MECOM: variants seen among roughly 807,000 people sequenced by gnomAD.
MECOM encodes MDS1 and EVI1 complex locus, also known as histone-lysine N-methyltransferase MECOM.
MECOM carries 13 observed loss-of-function variants against 116.3 expected under a neutral mutation model. The observed-to-expected ratio is 0.11, with a 90% confidence interval of 0.07 to 0.18. The LOEUF is 0.18. Ranked by LOEUF, MECOM falls within the 10% of genes least tolerant of loss-of-function variation. The pLI is 1.00. For synonymous variants in MECOM, 528 were observed against 535.2 expected (o/e 0.99, Z 0.19); for missense variants, 1,299 against 1,509.0 (o/e 0.86, Z 2.31).
At chr3:169,453,325 C>A (rs1745918275) in intron 1 of MECOM, among the ~76,000 whole-genome samples, 1 of 152,156 alleles carries the variant, frequency 6.6e-6, no homozygotes, top group African/African-American at 2.4e-5. Context: ...TGTTGTCTGA[C>A]AACAACAGCT....
At chr3:169,341,869 A>T (rs951584583) in intron 2 of MECOM, among the ~76,000 whole-genome samples, 4 of 152,224 alleles carry the variant, frequency 2.6e-5, no homozygotes, top group African/African-American at 9.6e-5. Context: ...AACTTAAAGG[A>T]TAAATGCTTC....
chr3:169,100,621 A>G (rs1317577132), intron 12 of MECOM, among the ~76,000 whole-genome samples: 3 of 152,254 alleles, frequency 2.0e-5, no homozygotes, highest in Admixed American at 2.0e-4. Context: ...AGCATTTCTT[A>G]AGTACTTATT....
At chr3:169,346,572 A>G (rs1261055409) in intron 2 of MECOM, among the ~76,000 whole-genome samples, 1 of 152,034 alleles carries the variant, frequency 6.6e-6, no homozygotes, top group Non-Finnish European at 1.5e-5. Context: ...ATATGTGACC[A>G]TGGGTAAGTC....
intron 1 of MECOM, among the ~76,000 whole-genome samples, chr3:169,547,739 C>T (rs1218547354): frequency 1.3e-5 from 2 of 151,990 alleles, no homozygotes; most frequent in Non-Finnish European, 2.9e-5. Flanking sequence ...AGGGTGGGCC[C>T]TAAATCCAAT....
At chr3:169,527,352 A>G (rs964199199) in intron 1 of MECOM, among the ~76,000 whole-genome samples, 4 of 152,228 alleles carry the variant, frequency 2.6e-5, no homozygotes, top group African/African-American at 9.6e-5. Flanking sequence ...AACTCCATGT[A>G]TCACTATAGC....
intron 2 of MECOM, among the ~76,000 whole-genome samples, chr3:169,144,448 A>G (rs533601351): frequency 5.4e-4 from 82 of 152,320 alleles, no homozygotes; most frequent in African/African-American, 1.9e-3. Flanking sequence ...ACACATGTCA[A>G]CGCATGTTTC....
rs1220934014 is a variant in MECOM, at chr3:169,240,341, T to C, written c.376-96509A>G. 2.6e-5 allele frequency among the ~76,000 whole-genome samples: 4 copies of C among 152,188 alleles called. No individual in the cohort carries two copies. The East Asian group carries it at 7.7e-4, about 29-fold the overall frequency. ...GACCTCTAGCTGGGTTTCAGCCTCA[T>C]TCCCCAACCCCCACCCTAAATCTTC... is the stretch of plus-strand genomic sequence containing the variant. On this transcript the variant is annotated intron_variant, in intron 2 of 16. Transcript: ENST00000651503.
At chr3:169,299,750 G>C (rs1029930681) in intron 2 of MECOM, among the ~76,000 whole-genome samples, 2 of 152,126 alleles carry the variant, frequency 1.3e-5, no homozygotes, top group African/African-American at 4.8e-5. Context: ...GTATTCACTA[G>C]AATAGCTAAA....
chr3:169,288,897 C>T (rs1413713950), intron 2 of MECOM, among the ~76,000 whole-genome samples: 1 of 152,196 alleles, frequency 6.6e-6, no homozygotes, highest in Non-Finnish European at 1.5e-5. Context: ...ATAAATCTGA[C>T]AATATGCCAT....
At chr3:169,098,782 C>A (rs1722566603) in intron 12 of MECOM, among the ~76,000 whole-genome samples, 2 of 152,092 alleles carry the variant, frequency 1.3e-5, no homozygotes, top group Admixed American at 1.3e-4. Flanking sequence ...CCTGCCCCAG[C>A]CTGTCTGAGT....
At chr3:169,473,965 G>A (rs74868079) in intron 1 of MECOM, among the ~76,000 whole-genome samples, 5,108 of 152,120 alleles carry the variant, frequency 0.034, 138 homozygotes, top group East Asian at 0.084. Context: ...GAATACGCTC[G>A]CATCTTTCCT....
intron 1 of MECOM, among the ~76,000 whole-genome samples, chr3:169,440,901 A>G (rs1743540811): frequency 1.3e-5 from 2 of 152,218 alleles, no homozygotes; most frequent in Admixed American, 1.3e-4. Flanking sequence ...TCTACCAAGG[A>G]TTAAATGCCA....
At chr3:169,613,999 T>C (rs1769629591) in intron 1 of MECOM, among the ~76,000 whole-genome samples, 1 of 152,224 alleles carries the variant, frequency 6.6e-6, no homozygotes, top group Admixed American at 6.5e-5. Flanking sequence ...TATTTTCTCA[T>C]TAATAAAAAC....
intron 1 of MECOM, among the ~76,000 whole-genome samples, chr3:169,535,793 G>C (rs1759281018): frequency 6.6e-6 from 1 of 152,198 alleles, no homozygotes; most frequent in Admixed American, 6.5e-5. Flanking sequence ...AATATTGATT[G>C]AGCAAATGAA....
chr3:169,231,957 A>C (rs1208030696), intron 2 of MECOM, among the ~76,000 whole-genome samples: 2 of 152,128 alleles, frequency 1.3e-5, no homozygotes, highest in East Asian at 3.9e-4. Flanking sequence ...GAGTCTTTTC[A>C]GCATCAAACA....
intron 12 of MECOM, among the ~76,000 whole-genome samples, chr3:169,097,277 T>C (rs1228220918): frequency 1.3e-5 from 2 of 152,130 alleles, no homozygotes; most frequent in Non-Finnish European, 1.5e-5. Flanking sequence ...CAAATCTAAA[T>C]AAGCATGTTC....
chr3:169,361,791 C>T (rs753060169), intron 2 of MECOM, among the ~76,000 whole-genome samples: 1 of 151,850 alleles, frequency 6.6e-6, no homozygotes, highest in Non-Finnish European at 1.5e-5. Flanking sequence ...AAGTCCACTA[C>T]AGCCATGCTA....
At chr3:169,252,355 T>C (rs1290218606) in intron 2 of MECOM, among the ~76,000 whole-genome samples, 1 of 151,898 alleles carries the variant, frequency 6.6e-6, no homozygotes, top group African/African-American at 2.4e-5. Context: ...ATAAAAATCC[T>C]CAGCATCCAA....
intron 3 of MECOM, among the ~76,000 whole-genome samples, chr3:169,141,011 C>T (rs2149270453): frequency 6.6e-6 from 1 of 152,078 alleles, no homozygotes; most frequent in Non-Finnish European, 1.5e-5. Context: ...TAATATGGCT[C>T]CTCCATATCA....
Sources: gnomAD v4.1 joint callset for allele counts (sites outside exome capture counted in the v4.1 genomes callset) on GRCh38, gnomAD v4.1.1 for gene constraint, MANE v1.5 for transcripts, NCBI Gene and HGNC (gene_info 2026-07-23, HGNC 2026-07-21) for gene names.